CSMD1: variants seen among roughly 807,000 people sequenced by gnomAD.
CSMD1 encodes the protein CUB and Sushi multiple domains 1.
Under a neutral mutation model 417.5 loss-of-function variants are expected in CSMD1, and 213 were observed. The ratio of observed to expected loss-of-function variants is 0.51; its 90% CI spans 0.46 to 0.57. The LOEUF (loss-of-function observed/expected upper bound fraction) is 0.57. Among genes scored for constraint, CSMD1 ranks in the 20% least tolerant of loss-of-function variants. The probability of loss-of-function intolerance (pLI) is 0.00; values close to 1 mark genes in which losing one functional copy is unlikely to be tolerated. For missense variants in CSMD1, 6,923 were observed against 4,529.7 expected (o/e 1.53, Z -15.17); for synonymous variants, 2,862 against 1,736.8 (o/e 1.65, Z -16.11).
rs549764109 is a variant in CSMD1, at chr8:3,213,308, T to C, written c.4867+1189A>G. Among the ~76,000 whole-genome samples the C allele has an allele frequency of 2.3e-4, 35 of 152,266 alleles. No homozygotes were observed. In the South Asian group the frequency reaches 7.0e-3, roughly 31 times the overall value. On this transcript the variant is annotated intron_variant, in intron 30 of 69. Coordinates refer to ENST00000635120, the MANE Select transcript of CSMD1 (RefSeq NM_033225.6). ...AAGCCATGAAGTTCTACCTCATTCT[T>C]CTTCTTTTTTAAATATATACCATGA...
At chr8:4,292,810 A>G (rs531332234) in intron 3 of CSMD1, among the ~76,000 whole-genome samples, 2 of 152,212 alleles carry the variant, frequency 1.3e-5, no homozygotes, top group East Asian at 1.9e-4. Context: ...TTATTACATA[A>G]AAGATTTACC....
At chr8:4,532,960 C>T (rs1012984534) in intron 2 of CSMD1, among the ~76,000 whole-genome samples, 4 of 152,072 alleles carry the variant, frequency 2.6e-5, no homozygotes, top group African/African-American at 9.7e-5. Context: ...AAGAGAAATC[C>T]TGCACCGTCA....
At chr8:4,410,603 T>C (rs1796597664) in intron 3 of CSMD1, among the ~76,000 whole-genome samples, 1 of 152,174 alleles carries the variant, frequency 6.6e-6, no homozygotes, top group South Asian at 2.1e-4. Context: ...TTTTCATTTA[T>C]CTGAAATTAT....
chr8:4,313,135 T>G (rs1325431018), intron 3 of CSMD1, among the ~76,000 whole-genome samples: 3 of 152,190 alleles, frequency 2.0e-5, no homozygotes, highest in African/African-American at 4.8e-5. Context: ...CCTTAGACAG[T>G]GAGCAAGCTG....
intron 10 of CSMD1, among the ~76,000 whole-genome samples, chr8:3,536,208 C>G (rs1203310056): frequency 6.6e-6 from 1 of 152,200 alleles, no homozygotes; most frequent in South Asian, 2.1e-4. Context: ...TGTAGGTTTG[C>G]TTTTCAAGAC....
At chr8:4,702,773 G>T (rs1158025449) in intron 1 of CSMD1, among the ~76,000 whole-genome samples, 3 of 152,090 alleles carry the variant, frequency 2.0e-5, no homozygotes, top group Non-Finnish European at 2.9e-5. Context: ...TCCTTTTGCG[G>T]GAAAATGTTA....
chr8:3,519,401 A>T (rs79631086), intron 10 of CSMD1, among the ~76,000 whole-genome samples: 1,683 of 152,324 alleles, frequency 0.011, 23 homozygotes, highest in African/African-American at 0.038. Context: ...TCAATTCACT[A>T]GTCTGGTAAT....
In CSMD1 at chr8:4,291,688, T is replaced by G. The variant is rs147437173; in HGVS notation, c.415+128265A>C. On this transcript the variant is annotated intron_variant, in intron 3 of 69. Coordinates refer to ENST00000635120, the MANE Select transcript of CSMD1 (RefSeq NM_033225.6). The stretch of plus-strand genomic sequence containing the variant: ...ACCAGAAAGATACAAAATTCTTTAT[T>G]CAACGGGTGGTAAAATTCATAAACC... Among the ~76,000 whole-genome samples, 33 of 152,328 alleles carry G rather than the reference T, an allele frequency of 2.2e-4. 1 individual carries two copies. The highest frequency in any genetic ancestry group is 2.6e-4 in the Admixed American group (4 of 15,298).
intron 3 of CSMD1, among the ~76,000 whole-genome samples, chr8:4,132,751 T>G (rs1159864366): frequency 1.3e-5 from 2 of 152,176 alleles, no homozygotes; most frequent in Non-Finnish European, 2.9e-5. Context: ...AGAGATAGTG[T>G]TGATGTTCTC....
At position 4,956,900 on chromosome 8, in the gene CSMD1, C is replaced by T. The variant is rs369035865; in HGVS notation, c.85+37432G>A. Reference sequence around the variant, plus strand: ...CACCAAGCGGCAATCCCCAACCAGGCGCTCTCATTTTTGTCCACATTCAAT... The same window carrying T: ...CACCAAGCGGCAATCCCCAACCAGGTGCTCTCATTTTTGTCCACATTCAAT... On this transcript the variant is annotated intron_variant, in intron 1 of 69. Transcript: ENST00000635120. 8.1e-4 allele frequency among the ~76,000 whole-genome samples: 124 copies of T among 152,274 alleles called. 2 individuals carry two copies. In the South Asian group the frequency reaches 0.025, roughly 30 times the overall value.
intron 27 of CSMD1, among the ~76,000 whole-genome samples, chr8:3,229,190 T>A (rs575173107): frequency 6.6e-6 from 1 of 152,108 alleles, no homozygotes; most frequent in African/African-American, 2.4e-5. Flanking sequence ...CTATGCAAAA[T>A]GGCCTATCCA....
At chr8:4,262,686 T>G (rs1803971089) in intron 3 of CSMD1, among the ~76,000 whole-genome samples, 1 of 152,090 alleles carries the variant, frequency 6.6e-6, no homozygotes, top group African/African-American at 2.4e-5. Context: ...ACCCTCAGCC[T>G]CCAGCCTCAA....
chr8:3,963,404 G>A (rs1812454712), intron 5 of CSMD1, among the ~76,000 whole-genome samples: 1 of 152,058 alleles, frequency 6.6e-6, no homozygotes, highest in African/African-American at 2.4e-5. Context: ...ATACTCCATG[G>A]TTCCTAAGTA....
chr8:4,665,247 C>A (rs1383764687), intron 1 of CSMD1, among the ~76,000 whole-genome samples: 1 of 152,186 alleles, frequency 6.6e-6, no homozygotes. Flanking sequence ...CCTTCACTTT[C>A]TCTGAAACTT....
chr8:4,185,431 T>C (rs1354072730), intron 3 of CSMD1, among the ~76,000 whole-genome samples: 2 of 152,100 alleles, frequency 1.3e-5, no homozygotes, highest in African/African-American at 4.8e-5. Flanking sequence ...CGTGTGAGCT[T>C]GATAAATAAT....
intron 3 of CSMD1, among the ~76,000 whole-genome samples, chr8:4,316,624 G>T (rs966399380): frequency 6.6e-6 from 1 of 151,932 alleles, no homozygotes; most frequent in Non-Finnish European, 1.5e-5. Context: ...ACCCGTGACA[G>T]AAGGTGAACG....
At chr8:3,301,509 A>T (rs1804405107) in intron 25 of CSMD1, among the ~76,000 whole-genome samples, 1 of 152,212 alleles carries the variant, frequency 6.6e-6, no homozygotes, top group Non-Finnish European at 1.5e-5. Flanking sequence ...ATATTTCTGG[A>T]TGGGATAATA....
chr8:4,124,102 A>T (rs1354214559), intron 3 of CSMD1, among the ~76,000 whole-genome samples: 7 of 152,270 alleles, frequency 4.6e-5, no homozygotes, highest in African/African-American at 1.7e-4. Flanking sequence ...AAAAAAAGAG[A>T]AAGAAAAACT....
chr8:4,608,650 C>T (rs1427015472), intron 2 of CSMD1, among the ~76,000 whole-genome samples: 1 of 152,164 alleles, frequency 6.6e-6, no homozygotes, highest in East Asian at 1.9e-4. Context: ...TTTTTAATCA[C>T]CGTTTATTAA....
Sources: allele counts gnomAD v4.1 joint callset (sites outside exome capture counted in the v4.1 genomes callset), GRCh38; gene constraint gnomAD v4.1.1; transcripts MANE v1.5; gene names NCBI Gene and HGNC (gene_info 2026-07-23, HGNC 2026-07-21).